DAB1: variants seen among roughly 807,000 people sequenced by gnomAD.
DAB1 encodes DAB adaptor protein 1, also known as disabled homolog 1.
A neutral mutation model predicts 64.6 loss-of-function variants in DAB1; 15 were observed. The observed-to-expected ratio is 0.23, with a 90% CI of 0.16 to 0.36. The LOEUF (loss-of-function observed/expected upper bound fraction) is 0.36. Among genes scored for constraint, DAB1 ranks in the 10% least tolerant of loss-of-function variants. The probability of loss-of-function intolerance (pLI) is 1.00; values close to 1 mark genes in which losing one functional copy is unlikely to be tolerated. For synonymous variants in DAB1, 235 were observed against 251.9 expected, an observed-to-expected ratio of 0.93 and a Z score of 0.64; for missense variants, 596 against 706.7, an observed-to-expected ratio of 0.84 and a Z score of 1.78.
chr1:57,845,096 A>C (rs1653221227), intron 1 of DAB1, among the ~76,000 whole-genome samples: 1 of 152,188 alleles, frequency 6.6e-6, no homozygotes, highest in African/African-American at 2.4e-5. Flanking sequence ...ATCAGGCAAG[A>C]GCTACTCTTC....
At chr1:57,515,558 T>C (rs1644454118) in intron 7 of DAB1, among the ~76,000 whole-genome samples, 2 of 152,252 alleles carry the variant, frequency 1.3e-5, no homozygotes, top group African/African-American at 4.8e-5. Flanking sequence ...ATCAGCTGAA[T>C]CCTGAAAGTC....
intron 3 of DAB1, among the ~76,000 whole-genome samples, chr1:57,138,641 A>G (rs1030711211): frequency 2.6e-5 from 4 of 152,122 alleles, no homozygotes; most frequent in Non-Finnish European, 5.9e-5. Context: ...TTGTTTTCCC[A>G]TGAATTCACT....
chr1:58,163,944 G>A (rs763435016), intron 4 of DAB1, among the ~76,000 whole-genome samples: 50 of 152,056 alleles, frequency 3.3e-4, no homozygotes, highest in Non-Finnish European at 5.3e-4. Context: ...CTTTTAATAT[G>A]CTTTTCTACC....
At chr1:57,836,640 G>A (rs1195064717) in intron 1 of DAB1, among the ~76,000 whole-genome samples, 8 of 152,134 alleles carry the variant, frequency 5.3e-5, no homozygotes, top group South Asian at 2.1e-4. Flanking sequence ...CATCTCATTC[G>A]GCATCCGCCA....
chr1:57,963,171 T>C (rs570939066), intron 5 of DAB1, among the ~76,000 whole-genome samples: 1 of 152,110 alleles, frequency 6.6e-6, no homozygotes, highest in African/African-American at 2.4e-5. Flanking sequence ...ACAAATGAGG[T>C]CCCTATTTTC....
At chr1:58,257,163 A>G (rs1660951068) in intron 4 of DAB1, among the ~76,000 whole-genome samples, 1 of 152,204 alleles carries the variant, frequency 6.6e-6, no homozygotes, top group African/African-American at 2.4e-5. Context: ...CACAGGCACT[A>G]TGTTCAGTGT....
At chr1:58,482,318 A>C (rs1365266023) in intron 3 of DAB1, among the ~76,000 whole-genome samples, 1 of 152,172 alleles carries the variant, frequency 6.6e-6, no homozygotes, top group Non-Finnish European at 1.5e-5. Flanking sequence ...GAAATACTAA[A>C]AGAATCGTCC....
intron 6 of DAB1, among the ~76,000 whole-genome samples, chr1:57,814,984 G>C (rs1651786743): frequency 6.6e-6 from 1 of 152,154 alleles, no homozygotes; most frequent in Admixed American, 6.5e-5. Context: ...CTATGATTCA[G>C]GAACCATTTG....
chr1:58,420,635 C>G (rs1644762934), intron 3 of DAB1, among the ~76,000 whole-genome samples: 1 of 152,182 alleles, frequency 6.6e-6, no homozygotes, highest in East Asian at 1.9e-4. Flanking sequence ...GTCAGACAAA[C>G]TGAGTCCAAA....
At chr1:57,539,821 C>T (rs1271617750) in intron 7 of DAB1, among the ~76,000 whole-genome samples, 1 of 152,216 alleles carries the variant, frequency 6.6e-6, no homozygotes, top group African/African-American at 2.4e-5. Context: ...AGTCTTTCTT[C>T]TTTACAGCAA....
intron 2 of DAB1, among the ~76,000 whole-genome samples, chr1:57,176,719 C>G (rs969521791): frequency 6.6e-5 from 10 of 152,042 alleles, no homozygotes; most frequent in African/African-American, 2.4e-4. Flanking sequence ...CTAGTAAAAT[C>G]TGGATCCTTC....
intron 5 of DAB1, among the ~76,000 whole-genome samples, chr1:58,136,677 C>CTA (rs1557666698): frequency 1.3e-5 from 2 of 152,206 alleles, no homozygotes; most frequent in African/African-American, 2.4e-5. Context: ...GTTTCCTGAA[C>CTA]TGATAGCATC....
chr1:57,620,615 T>A (rs1283601110), intron 7 of DAB1, among the ~76,000 whole-genome samples: 1 of 152,042 alleles, frequency 6.6e-6, no homozygotes, highest in Non-Finnish European at 1.5e-5. Flanking sequence ...AGATAAGAGG[T>A]ACCCAACATG....
intron 6 of DAB1, among the ~76,000 whole-genome samples, chr1:57,699,347 A>T (rs1646881500): frequency 6.6e-6 from 1 of 152,220 alleles, no homozygotes; most frequent in Non-Finnish European, 1.5e-5. Context: ...CAATTGAGAG[A>T]CAAAGAGAAG....
At chr1:57,744,646 G>A (rs1007077782) in intron 6 of DAB1, among the ~76,000 whole-genome samples, 8 of 152,046 alleles carry the variant, frequency 5.3e-5, no homozygotes, top group Non-Finnish European at 8.8e-5. Context: ...TTTGTTCCTC[G>A]GCATCTTGCT....
intron 7 of DAB1, among the ~76,000 whole-genome samples, chr1:57,446,062 A>T (rs758043953): frequency 3.9e-5 from 6 of 152,176 alleles, no homozygotes; most frequent in Non-Finnish European, 7.4e-5. Flanking sequence ...ATTTCAGGTA[A>T]GTAACTTGAC....
intron 4 of DAB1, among the ~76,000 whole-genome samples, chr1:58,325,834 C>T (rs1253963219): frequency 1.3e-5 from 2 of 152,156 alleles, no homozygotes; most frequent in African/African-American, 4.8e-5. Flanking sequence ...ATAATCTTAT[C>T]TCACCTTTTA....
At chr1:57,769,268 T>G in intron 6 of DAB1, among the ~76,000 whole-genome samples, 1 of 152,036 alleles carries the variant, frequency 6.6e-6, no homozygotes, top group East Asian at 1.9e-4. Flanking sequence ...ACCCTCAAAT[T>G]CTCCTGTCCT....
At chr1:57,759,939 G>T (rs778358314) in intron 6 of DAB1, among the ~76,000 whole-genome samples, 14 of 152,232 alleles carry the variant, frequency 9.2e-5, no homozygotes, top group Admixed American at 4.6e-4. Flanking sequence ...GCATTGGAAC[G>T]TATACAGGGA....
Sources: allele counts gnomAD v4.1 joint callset (sites outside exome capture counted in the v4.1 genomes callset), GRCh38; gene constraint gnomAD v4.1.1; transcripts MANE v1.5; gene names NCBI Gene and HGNC (gene_info 2026-07-23, HGNC 2026-07-21).